SNRK: variants seen among roughly 807,000 people sequenced by gnomAD.
SNRK encodes SNF related kinase.
SNRK carries 3 observed loss-of-function variants against 48.2 expected under a neutral mutation model. The ratio of observed to expected loss-of-function variants is 0.06; its 90% CI spans 0.03 to 0.16. The LOEUF (loss-of-function observed/expected upper bound fraction) is 0.16, where lower values mean the gene tolerates loss of function less well. SNRK is among the 10% of genes least tolerant of loss of function. The pLI is 1.00. For missense variants in SNRK, 627 were observed against 976.0 expected (o/e 0.64, Z 4.76); for synonymous variants, 376 against 366.1 (o/e 1.03, Z -0.31).
chr3:43,299,937 T>A (rs1056726780), intron 2 of SNRK, 122 bp downstream of exon 2: 1 of 152,478 alleles, frequency 6.6e-6, no homozygotes, highest in African/African-American at 2.4e-5. Context: ...AAAAAAATGA[T>A]TTAGTTACTT....
At chr3:43,287,675 C>A (rs963973472) in intron 1 of SNRK, among the ~76,000 whole-genome samples, 2 of 152,184 alleles carry the variant, frequency 1.3e-5, no homozygotes, top group Non-Finnish European at 2.9e-5. Context: ...AAGTGTTGGA[C>A]ATCCTGTTGA....
At chr3:43,345,568 G>A (rs2091268934) in intron 6 of SNRK, among the ~76,000 whole-genome samples, 1 of 152,182 alleles carries the variant, frequency 6.6e-6, no homozygotes, top group Admixed American at 6.5e-5. Flanking sequence ...AAGCAGTTCG[G>A]TAGGCAGAAA....
intron 3 of SNRK, among the ~76,000 whole-genome samples, chr3:43,312,627 G>T (rs1443422598): frequency 6.6e-6 from 1 of 152,102 alleles, no homozygotes; most frequent in Non-Finnish European, 1.5e-5. Flanking sequence ...AGTACTGAAA[G>T]TTATATAAAG....
intron 3 of SNRK, 87 bp from the exon 4 acceptor site, chr3:43,332,082 C>T: frequency 9.4e-7 from 1 of 1,066,364 alleles, no homozygotes; most frequent in Non-Finnish European, 1.3e-6. Flanking sequence ...TTTGACTGCT[C>T]AAGATAAAAT....
chr3:43,289,011 G>A (rs1242941887), intron 1 of SNRK, among the ~76,000 whole-genome samples: 1 of 152,172 alleles, frequency 6.6e-6, no homozygotes, highest in East Asian at 1.9e-4. Context: ...TCTTTTGGTG[G>A]CCCTAGGGTA....
chr3:43,342,149 A>G (rs7621298), intron 5 of SNRK, among the ~76,000 whole-genome samples: 68,362 of 152,090 alleles, frequency 0.45, 17,325 homozygotes, highest in East Asian at 0.82. Flanking sequence ...TGTCATCTAG[A>G]ACTACTTAAT....
rs962882816 is a variant in SNRK at position 43,294,900 on chromosome 3, C to A, written c.-168-4854C>A. 5.9e-5 allele frequency among the ~76,000 whole-genome samples: 9 copies of A among 152,180 alleles called. 1 individual carries two copies. Among genetic ancestry groups the A allele is most frequent in the Admixed American group, 3.3e-4 (5 of 15,296 alleles). ...TTAAAATTCTCCATAACTTAATATT[C>A]TGTTTTCCTGGGCACAATAAGTAAT... On this transcript the variant is annotated intron_variant, in intron 1 of 6. Coordinates refer to ENST00000296088, the MANE Select transcript of SNRK (RefSeq NM_017719.5).
intron 3 of SNRK, among the ~76,000 whole-genome samples, chr3:43,306,237 A>G (rs2090936635): frequency 8.1e-6 from 1 of 122,878 alleles, no homozygotes; most frequent in Admixed American, 8.9e-5. Context: ...CTATTTTTAA[A>G]AAAAAGGACA....
chr3:43,330,375 CAT>C (rs2091137161), intron 3 of SNRK, among the ~76,000 whole-genome samples: 1 of 152,076 alleles, frequency 6.6e-6, no homozygotes, highest in Non-Finnish European at 1.5e-5. Flanking sequence ...ATTTCTAAAA[CAT>C]AACTTTTTGT....
chr3:43,303,112 A>G lies in SNRK; in HGVS notation c.-92A>G. On this transcript the variant is annotated 5_prime_UTR_variant, in exon 3 of 7. Transcript: ENST00000296088. This position sits in a 1 kb window ranked among gnomAD's most constrained non-coding sequence, Gnocchi z 6.2. Reference sequence around the variant, plus strand: ...TTATTTTGTAGATATCCATGACGACATTGAAAATGAATTTTTTGTATTCAC... The same window carrying G: ...TTATTTTGTAGATATCCATGACGACGTTGAAAATGAATTTTTTGTATTCAC... The G allele has an allele frequency of 1.1e-6, 1 of 891,346 alleles. No individual in the cohort carries two copies. Among genetic ancestry groups the G allele is most frequent in the Non-Finnish European group, 1.7e-6 (1 of 599,982 alleles). 55.2% of individuals were successfully genotyped at this position (891,346 alleles called of 1,614,324 possible). A position where few individuals can be genotyped will look rare whatever the true frequency, so the allele number is the denominator to read the frequency against.
chr3:43,341,699 C>G (rs772893197), intron 5 of SNRK, among the ~76,000 whole-genome samples: 3 of 152,168 alleles, frequency 2.0e-5, no homozygotes, highest in South Asian at 2.1e-4. Context: ...GGATTTGATC[C>G]AGTTCCCTGA....
chr3:43,314,375 T>C (rs2091000008), intron 3 of SNRK, among the ~76,000 whole-genome samples: 1 of 152,234 alleles, frequency 6.6e-6, no homozygotes, highest in Non-Finnish European at 1.5e-5. Context: ...AATTGCCTTG[T>C]CTTGTGAAAA....
chr3:43,327,173 GTTC>G (rs1415517560), intron 3 of SNRK, among the ~76,000 whole-genome samples: 1 of 152,182 alleles, frequency 6.6e-6, no homozygotes, highest in Non-Finnish European at 1.5e-5. Context: ...CAGACAAGTA[GTTC>G]TTCTGTGTAA....
In SNRK at chr3:43,337,117, A is replaced by T. The variant is rs140740679; in HGVS notation, c.732-3170A>T. 4.5e-3 allele frequency among the ~76,000 whole-genome samples: 683 copies of T among 151,352 alleles called. 3 individuals carry two copies. The highest frequency in any genetic ancestry group is 0.016 in the African/African-American group (656 of 41,124). Reference sequence around the variant, plus strand: ...GAGGTGGAGTCTCGATCTGTCGCCCAGGCTCGAGTGCAGTGACACTATCTT... The same window carrying T: ...GAGGTGGAGTCTCGATCTGTCGCCCTGGCTCGAGTGCAGTGACACTATCTT... On this transcript the variant is annotated intron_variant, in intron 4 of 6. Transcript: ENST00000296088.
chr3:43,299,635 A>G (rs781090303), intron 1 of SNRK, 119 bp from the exon 2 acceptor site: 13 of 152,768 alleles, frequency 8.5e-5, no homozygotes, highest in Non-Finnish European at 1.5e-4. Context: ...GTTACTAAAG[A>G]CAAATTTTAC....
intron 5 of SNRK, among the ~76,000 whole-genome samples, chr3:43,341,951 AC>A (rs2091241255): frequency 6.6e-6 from 1 of 152,214 alleles, no homozygotes; most frequent in Non-Finnish European, 1.5e-5. Flanking sequence ...TACAGTATTG[AC>A]TCACAGCTAC....
chr3:43,298,840 A>G (rs1214516113), intron 1 of SNRK, among the ~76,000 whole-genome samples: 1 of 152,198 alleles, frequency 6.6e-6, no homozygotes, highest in Non-Finnish European at 1.5e-5. Flanking sequence ...TTTCTTTGTT[A>G]CTATCAAGTG....
chr3:43,287,962 G>A (rs1262368565), intron 1 of SNRK, among the ~76,000 whole-genome samples: 1 of 152,180 alleles, frequency 6.6e-6, no homozygotes, highest in Non-Finnish European at 1.5e-5. Flanking sequence ...GGAATGTACT[G>A]TACAAGTGAT....
intron 5 of SNRK, 133 bp from the exon 6 acceptor site, chr3:43,343,211 T>G: frequency 8.1e-7 from 1 of 1,228,486 alleles, no homozygotes; most frequent in Non-Finnish European, 1.1e-6. Context: ...TTTTTCTGGT[T>G]TGCATTTTTT....
Sources: allele counts gnomAD v4.1 joint callset (sites outside exome capture counted in the v4.1 genomes callset), GRCh38; gene constraint gnomAD v4.1.1; non-coding constraint Gnocchi (gnomAD v3.1); transcripts MANE v1.5; gene names NCBI Gene and HGNC (gene_info 2026-07-23, HGNC 2026-07-21).